The following FAM174B variants were observed in gnomAD, a reference collection of about 807,000 sequenced individuals.
The protein encoded by FAM174B is membrane protein FAM174B.
In FAM174B, 12 loss-of-function variants were observed where a neutral mutation model predicts 10.9. The observed-to-expected ratio is 1.10, with a 90% confidence interval of 0.71 to 1.79. FAM174B has a LOEUF of 1.79. Among genes scored for constraint, FAM174B ranks in the 40% most tolerant of loss-of-function variants. The pLI is 0.00. For synonymous variants in FAM174B, 132 were observed against 115.8 expected (o/e 1.14, Z -0.90); for missense variants, 266 against 233.3 (o/e 1.14, Z -0.91).
chr15:92,640,976 CCTT>C, intron 1 of FAM174B, among the ~76,000 whole-genome samples: 1 of 151,984 alleles, frequency 6.6e-6, no homozygotes, highest in Non-Finnish European at 1.5e-5. Flanking sequence ...AATTTAATCT[CCTT>C]AATATATATA....
chr15:92,650,486 G>A (rs2050958979), intron 1 of FAM174B, among the ~76,000 whole-genome samples: 1 of 152,206 alleles, frequency 6.6e-6, no homozygotes, highest in Non-Finnish European at 1.5e-5. Context: ...ACTGGAGCCT[G>A]CACCGTGGAG....
rs763509156 is a variant in FAM174B, at chr15:92,617,485, G to A, written c.*1971C>T. On this transcript the variant is annotated 3_prime_UTR_variant, in exon 3 of 3. Transcript: ENST00000327355. ...GGGTTTTTATTGGAGAGCCTGTGGC[G>A]CTGAAGTGCCACCAAGGATTTGGAA... The A allele has an allele frequency of 2.2e-4, 109 of 500,906 alleles. 1 individual carries two copies. The highest frequency in any genetic ancestry group is 1.4e-3 in the East Asian group (41 of 28,652). The allele number at this position is 500,906 out of a possible 1,614,324, so 31.0% of individuals were successfully genotyped here. A position where few individuals can be genotyped will look rare whatever the true frequency, so the allele number is the denominator to read the frequency against.
intron 1 of FAM174B, among the ~76,000 whole-genome samples, chr15:92,654,109 C>T (rs2141967460): frequency 6.6e-6 from 1 of 152,322 alleles, no homozygotes; most frequent in Middle Eastern, 3.4e-3. Flanking sequence ...TCCATTTTCT[C>T]AGACCACTGG....
chr15:92,654,938 G>A (rs2050991170), intron 1 of FAM174B, among the ~76,000 whole-genome samples: 1 of 152,146 alleles, frequency 6.6e-6, no homozygotes, highest in South Asian at 2.1e-4. Flanking sequence ...TACCTTAGAT[G>A]AGCCATTTTG....
At chr15:92,621,667 G>A (rs1447214907) in intron 2 of FAM174B, among the ~76,000 whole-genome samples, 1 of 151,750 alleles carries the variant, frequency 6.6e-6, no homozygotes, top group East Asian at 1.9e-4. Flanking sequence ...CTACTCAACA[G>A]ACTAGAGAAA....
intron 1 of FAM174B, among the ~76,000 whole-genome samples, chr15:92,631,497 ATTC>A (rs1286858308): frequency 1.9e-4 from 16 of 83,938 alleles, no homozygotes; most frequent in East Asian, 3.2e-4. Context: ...TATATATATA[ATTC>A]TTTTTTTTTT....
Position 92,630,361 on chromosome 15 carries a change from C to A in FAM174B, c.345-16G>T. The A allele has an allele frequency of 6.2e-7, 1 of 1,601,808 alleles. No homozygotes were observed. The highest frequency in any genetic ancestry group is 8.5e-7 in the Non-Finnish European group (1 of 1,173,442). ...CTTTCCCGACCTGCAGGAGAAGAAG[C>A]ACATTCATGAGAACACAGCTGGGAG... is the stretch of plus-strand genomic sequence containing the variant. On this transcript the variant is annotated splice_polypyrimidine_tract_variant and intron_variant, in intron 1 of 2. Coordinates refer to ENST00000327355, the MANE Select transcript of FAM174B (RefSeq NM_207446.3).
At chr15:92,634,776 G>A (rs1457571100) in intron 1 of FAM174B, 9 of 152,182 alleles carry the variant, frequency 5.9e-5, no homozygotes, top group Non-Finnish European at 8.8e-5. Context: ...TGGAATCAAC[G>A]GGCTCTGAGT....
intron 2 of FAM174B, chr15:92,619,721 A>C: frequency 1.8e-6 from 1 of 543,206 alleles, no homozygotes; most frequent in East Asian, 2.9e-5. Context: ...TTCTCCTTAT[A>C]TCCCTCTCCT....
Position 92,618,962 on chromosome 15 carries a change from G to T in FAM174B, c.*494C>A, listed in dbSNP as rs1365256617. 3.5e-6 allele frequency: 2 copies of T among 574,936 alleles called. No homozygotes were observed. Among genetic ancestry groups the T allele is most frequent in the African/African-American group, 1.9e-5 (1 of 53,120 alleles). 35.6% of individuals were successfully genotyped at this position (574,936 alleles called of 1,614,324 possible). ...CACAGGTAACGCCAAAATGAGGCCA[G>T]GACCTGACCAAGCCAAAAAAGCAGC... On this transcript the variant is annotated 3_prime_UTR_variant, in exon 3 of 3. Coordinates refer to ENST00000327355, the MANE Select transcript of FAM174B (RefSeq NM_207446.3).
At chr15:92,631,947 C>T (rs1286490791) in intron 1 of FAM174B, among the ~76,000 whole-genome samples, 4 of 152,210 alleles carry the variant, frequency 2.6e-5, no homozygotes, top group Non-Finnish European at 5.9e-5. Context: ...CAGAAACAGG[C>T]TGCTCTGTGC....
rs2050994961 is a variant in FAM174B, at chr15:92,655,317, T to C, written c.343A>G (p.Arg115Gly). ...AAGGAAGAGGGCGGGAGGGCCCACCTGAAGACGCGCAGCAGCAGGCAGGCG... is the reference window on the plus strand; with the variant it reads ...AAGGAAGAGGGCGGGAGGGCCCACCCGAAGACGCGCAGCAGCAGGCAGGCG... ...LIACLLLRVF[R>G]SGKRLKKTRK... Residue 115 changes from arginine to glycine, a missense_variant and splice_region_variant, in exon 1 of 3, where the codon AGG (arginine) becomes GGG (glycine). Coordinates refer to ENST00000327355, the MANE Select transcript of FAM174B (RefSeq NM_207446.3). The C allele has an allele frequency of 3.9e-6, 6 of 1,558,374 alleles. No individual in the cohort carries two copies. The highest frequency in any genetic ancestry group is 1.8e-5 in the Admixed American group (1 of 54,892).
chr15:92,638,263 C>A (rs968693712), intron 1 of FAM174B, among the ~76,000 whole-genome samples: 8 of 152,222 alleles, frequency 5.3e-5, no homozygotes, highest in African/African-American at 1.7e-4. Flanking sequence ...ACCCTTCCAT[C>A]CGAACCAAAA....
intron 2 of FAM174B, among the ~76,000 whole-genome samples, chr15:92,626,139 A>ACGGAGTTTCGCTCTTTCAC (rs373252541): frequency 7.3e-6 from 1 of 137,398 alleles, no homozygotes; most frequent in Admixed American, 7.3e-5. Context: ...TTTTTTTGAG[A>ACGGAGTTTCGCTCTTTCAC]CCAGGCCGGA....
intron 2 of FAM174B, among the ~76,000 whole-genome samples, chr15:92,622,460 C>A (rs974364790): frequency 6.6e-6 from 1 of 152,206 alleles, no homozygotes; most frequent in Non-Finnish European, 1.5e-5. Context: ...GTGACTGGCA[C>A]TCAGGAACAA....
At position 92,643,344 on chromosome 15, in the gene FAM174B, ATG is replaced by A. The variant is rs61322216; in HGVS notation, c.344+11970_344+11971del. 6.7e-3 allele frequency among the ~76,000 whole-genome samples: 932 copies of A among 138,162 alleles called. 14 individuals are homozygous for A. The highest frequency in any genetic ancestry group is 0.022 in the African/African-American group (837 of 38,388). The allele number at this position is 138,162 out of a possible 152,430, so 90.6% of individuals were successfully genotyped here. On this transcript the variant is annotated intron_variant, in intron 1 of 2. Coordinates refer to ENST00000327355, the MANE Select transcript of FAM174B (RefSeq NM_207446.3). ...AGTCATTATAAGAAATAGGGAAGGA[ATG>A]TGTGTGTGTGTGTGTGTGTGTGTGT...
In FAM174B at chr15:92,629,346, A is replaced by G. The variant is rs148070348; in HGVS notation, c.476+868T>C. ...AAAATGATCTGAAAACCCACACTAC[A>G]ATCCTAAAGTCACAAAGTCATTCTG... On this transcript the variant is annotated intron_variant, in intron 2 of 2. Coordinates refer to ENST00000327355, the MANE Select transcript of FAM174B (RefSeq NM_207446.3). 5.2e-3 allele frequency among the ~76,000 whole-genome samples: 795 copies of G among 152,322 alleles called. 5 individuals carry two copies. The highest frequency in any genetic ancestry group is 0.018 in the African/African-American group (747 of 41,554).
chr15:92,650,672 A>G (rs2050960500), intron 1 of FAM174B, among the ~76,000 whole-genome samples: 1 of 152,226 alleles, frequency 6.6e-6, no homozygotes, highest in Non-Finnish European at 1.5e-5. Context: ...TAGGGGGCAA[A>G]AGGTACTGAT....
At chr15:92,637,935 G>A (rs1201172916) in intron 1 of FAM174B, among the ~76,000 whole-genome samples, 1 of 152,178 alleles carries the variant, frequency 6.6e-6, no homozygotes, top group Non-Finnish European at 1.5e-5. Context: ...ACTTGGGTTC[G>A]CAGCCCAGTG....
Sources: allele counts gnomAD v4.1 joint callset (sites outside exome capture counted in the v4.1 genomes callset), GRCh38; gene constraint gnomAD v4.1.1; transcripts MANE v1.5; gene names NCBI Gene and HGNC (gene_info 2026-07-23, HGNC 2026-07-21).